Variants in MICAL3 observed in about 807,000 individuals in gnomAD.
MICAL3 encodes [F-actin]-monooxygenase MICAL3.
MICAL3 carries 62 observed loss-of-function variants against 207.4 expected under a neutral mutation model. The observed-to-expected ratio is 0.30, with a 90% CI of 0.24 to 0.37. The LOEUF is 0.37. MICAL3 is among the 10% of genes least tolerant of loss of function. The pLI, the probability that MICAL3 is intolerant of heterozygous loss-of-function variation, is 1.00. For missense variants in MICAL3, 2,368 were observed against 2,635.6 expected (o/e 0.90, Z 2.22); for synonymous variants, 1,077 against 1,069.3 (o/e 1.01, Z -0.14).
rs774243020 is a variant in MICAL3, at chr22:17,791,067, G to A, written c.5755C>T (p.Arg1919Trp). ...RYESELMIFA[R>W]ELELEDRQSR... ...TGCCGGTCTTCCAGCTCCAGCTCCC[G>A]GGCACTGAGGAGGCAGGGCAGGAGG... The change falls in exon 31 of 32, where the codon CGG (arginine) becomes TGG (tryptophan). Residue 1919 changes from arginine (R) to tryptophan (W), a missense_variant. Transcript: ENST00000441493. The A allele has an allele frequency of 1.5e-5, 24 of 1,611,074 alleles. No individual in the cohort carries two copies. The highest frequency in any genetic ancestry group is 1.1e-4 in the African/African-American group (8 of 74,876).
chr22:18,015,420 AT>A lies in MICAL3; in HGVS notation c.-75+8860del, dbSNP rs1252536664. Among the ~76,000 whole-genome samples, 41 of 102,694 alleles carry A rather than the reference AT, an allele frequency of 4.0e-4. 1 individual carries two copies. In the Admixed American group the frequency reaches 4.3e-3, roughly 11 times the overall value. The allele number at this position is 102,694 out of a possible 152,430, so 67.4% of individuals were successfully genotyped here. ...TTTACAAATTTAAGATTTAAGACTC[AT>A]CTTTTTTTTTTTTTTTTTTTTGAGA... is the stretch of plus-strand genomic sequence containing the variant. On this transcript the variant is annotated intron_variant, in intron 1 of 31. Transcript: ENST00000441493.
At chr22:17,884,352 G>C (rs372262544) in intron 16 of MICAL3, 73 of 1,590,848 alleles carry the variant, frequency 4.6e-5, no homozygotes, top group Non-Finnish European at 5.9e-5. Flanking sequence ...CCACGCTCTT[G>C]TGTCAGCTGG....
At chr22:17,953,798 G>T (rs140502171) in intron 1 of MICAL3, among the ~76,000 whole-genome samples, 1 of 151,840 alleles carries the variant, frequency 6.6e-6, no homozygotes, top group African/African-American at 2.4e-5. Flanking sequence ...GAACGCAGTG[G>T]TGCGTACCTG....
chr22:18,021,631 G>A lies in MICAL3; in HGVS notation c.-75+2650C>T, dbSNP rs75912893. ...TCTAACTGTTTTGGGTTGCTTGGAGGGAGTGGGGCATGGGAGAGGGAGGGA... is the reference window on the plus strand; with the variant it reads ...TCTAACTGTTTTGGGTTGCTTGGAGAGAGTGGGGCATGGGAGAGGGAGGGA... On this transcript the variant is annotated intron_variant, in intron 1 of 31. Coordinates refer to ENST00000441493, the MANE Select transcript of MICAL3 (RefSeq NM_015241.3). 4.1e-3 allele frequency among the ~76,000 whole-genome samples: 619 copies of A among 152,328 alleles called. 3 individuals carry two copies. Among genetic ancestry groups the A allele is most frequent in the African/African-American group, 0.014 (584 of 41,570 alleles).
chr22:17,952,745 G>C (rs531702826), intron 1 of MICAL3, among the ~76,000 whole-genome samples: 1 of 152,292 alleles, frequency 6.6e-6, no homozygotes, highest in African/African-American at 2.4e-5. Context: ...AGTTCTGCAG[G>C]ATCTGCCTGA....
rs1310222420 is a variant in MICAL3, at chr22:17,900,687, T to C, written c.847+155A>G. Among the ~76,000 whole-genome samples the C allele has an allele frequency of 6.6e-6, 1 of 151,904 alleles. No homozygotes were observed. The highest frequency in any genetic ancestry group is 1.5e-5 in the Non-Finnish European group (1 of 67,990). ...AGGAGACAAGTTCTGCAGGAAGCAA[T>C]GCGCTAGGAAGAAGGAACAGGAGTG... On this transcript the variant is annotated intron_variant, in intron 6 of 31. Coordinates refer to ENST00000441493, the MANE Select transcript of MICAL3 (RefSeq NM_015241.3). This position sits in a 1 kb window ranked among gnomAD's most constrained non-coding sequence, Gnocchi z 4.0.
intron 1 of MICAL3, among the ~76,000 whole-genome samples, chr22:17,943,704 A>T (rs1933917636): frequency 6.6e-6 from 1 of 152,204 alleles, no homozygotes; most frequent in African/African-American, 2.4e-5. Flanking sequence ...AAGAGCAATA[A>T]TAGCTTTGCT....
At chr22:17,979,705 C>T (rs2146433500) in intron 1 of MICAL3, among the ~76,000 whole-genome samples, 1 of 152,188 alleles carries the variant, frequency 6.6e-6, no homozygotes, top group East Asian at 1.9e-4. Context: ...CAGCACACCA[C>T]CAATCAGGCT....
intron 1 of MICAL3, among the ~76,000 whole-genome samples, chr22:17,918,687 C>T (rs540984103): frequency 5.3e-5 from 8 of 152,120 alleles, no homozygotes; most frequent in Non-Finnish European, 7.4e-5. Flanking sequence ...CCTTTCCTGC[C>T]GCCAGCCTCT....
chr22:17,863,061 T>G, intron 19 of MICAL3: 1 of 985,448 alleles, frequency 1.0e-6, no homozygotes, highest in Non-Finnish European at 1.2e-6. Context: ...CCCCACTATG[T>G]AGAACATTCT....
chr22:17,982,267 A>G lies in MICAL3; in HGVS notation c.-75+42014T>C, dbSNP rs73151076. On this transcript the variant is annotated intron_variant, in intron 1 of 31. Transcript: ENST00000441493. ...CTTCACTCCTGAAGTCTGTGCTCCA[A>G]AGGGAATGCAGGCTTTCCCACAGCC... Among the ~76,000 whole-genome samples the G allele has an allele frequency of 9.1e-3, 1,380 of 152,342 alleles. 7 individuals carry two copies. The highest frequency in any genetic ancestry group is 0.014 in the Non-Finnish European group (928 of 68,028).
At chr22:17,870,264 T>A (rs1927576909) in intron 17 of MICAL3, among the ~76,000 whole-genome samples, 1 of 152,182 alleles carries the variant, frequency 6.6e-6, no homozygotes, top group Non-Finnish European at 1.5e-5. Flanking sequence ...TCAGTCACCA[T>A]ACCCTTCTCT....
chr22:17,830,864 G>A (rs1016649932), intron 21 of MICAL3, among the ~76,000 whole-genome samples: 2 of 152,210 alleles, frequency 1.3e-5, no homozygotes, highest in Non-Finnish European at 2.9e-5. Flanking sequence ...CACCTCACTG[G>A]GGCCAACATC....
intron 29 of MICAL3, among the ~76,000 whole-genome samples, chr22:17,791,929 G>A (rs1052507521): frequency 6.6e-6 from 1 of 152,220 alleles, no homozygotes; most frequent in African/African-American, 2.4e-5. Context: ...TGGCCGCAGG[G>A]TTTCTCACCA....
intron 16 of MICAL3, among the ~76,000 whole-genome samples, chr22:17,884,624 TTC>T (rs1929719857): frequency 1.3e-5 from 2 of 152,198 alleles, no homozygotes; most frequent in Non-Finnish European, 2.9e-5. Context: ...AAGCTAAATG[TTC>T]TCTGAGTCTA....
chr22:17,940,849 A>G lies in MICAL3; in HGVS notation c.-74-33963T>C, dbSNP rs570881879. Among the ~76,000 whole-genome samples, 4 of 152,280 alleles carry G rather than the reference A, an allele frequency of 2.6e-5. No individual in the cohort carries two copies. The East Asian group carries it at 5.8e-4, about 22-fold the overall frequency. On this transcript the variant is annotated intron_variant, in intron 1 of 31. Coordinates refer to ENST00000441493, the MANE Select transcript of MICAL3 (RefSeq NM_015241.3). ...ACAGGCCAGCATCAAATAGCTCAAG[A>G]GGTATTTAATCAGGGTAGGATGATT...
intron 12 of MICAL3, among the ~76,000 whole-genome samples, chr22:17,890,759 A>C (rs917756797): frequency 1.3e-5 from 2 of 152,206 alleles, no homozygotes; most frequent in African/African-American, 4.8e-5. Flanking sequence ...AGGACAGGAA[A>C]CCAAAATAAT....
intron 1 of MICAL3, among the ~76,000 whole-genome samples, chr22:17,977,414 G>C (rs1935705561): frequency 6.6e-6 from 1 of 151,866 alleles, no homozygotes; most frequent in Admixed American, 6.6e-5. Context: ...AGACCCAGAA[G>C]CACAAGAAAA....
At chr22:17,880,470 G>T (rs1168435208) in intron 16 of MICAL3, among the ~76,000 whole-genome samples, 1 of 152,230 alleles carries the variant, frequency 6.6e-6, no homozygotes, top group Non-Finnish European at 1.5e-5. Flanking sequence ...ATGGACACAG[G>T]TGGGGCCTTT....
Sources: gnomAD v4.1 joint callset for allele counts (sites outside exome capture counted in the v4.1 genomes callset) on GRCh38, gnomAD v4.1.1 for gene constraint, Gnocchi (gnomAD v3.1) non-coding constraint, MANE v1.5 for transcripts, NCBI Gene and HGNC (gene_info 2026-07-23, HGNC 2026-07-21) for gene names.